Variants in TENM3 observed in about 807,000 individuals in gnomAD.
TENM3 encodes teneurin-3.
In TENM3, 63 loss-of-function variants were observed where a neutral mutation model predicts 255.1. The ratio of observed to expected loss-of-function variants is 0.25; its 90% CI spans 0.20 to 0.30. The LOEUF is 0.30. TENM3 is among the 10% of genes least tolerant of loss of function. The pLI, the probability that TENM3 is intolerant of heterozygous loss-of-function variation, is 1.00. For missense variants in TENM3, 2,929 were observed against 3,461.1 expected (o/e 0.85, Z 3.86); for synonymous variants, 1,306 against 1,322.3 (o/e 0.99, Z 0.27).
intron 3 of TENM3, among the ~76,000 whole-genome samples, chr4:182,522,305 A>T (rs7655004): frequency 6.6e-6 from 1 of 152,192 alleles, no homozygotes; most frequent in African/African-American, 2.4e-5. Context: ...CTGTATTTTC[A>T]TGTCCATCAA....
At chr4:182,237,217 T>C (rs1372839599) in intron 1 of TENM3, among the ~76,000 whole-genome samples, 1 of 152,204 alleles carries the variant, frequency 6.6e-6, no homozygotes, top group Non-Finnish European at 1.5e-5. Flanking sequence ...TTCCATGGTG[T>C]ATACGTACCA....
chr4:181,532,126 C>A, the TENM3 span, among the ~76,000 whole-genome samples: 3 of 151,992 alleles, frequency 2.0e-5, no homozygotes, highest in Non-Finnish European at 2.9e-5. Context: ...AAAGTGGGGT[C>A]CCACCGGCTG....
intron 7 of TENM3, among the ~76,000 whole-genome samples, chr4:182,678,877 G>A (rs1332238973): frequency 6.6e-6 from 1 of 152,200 alleles, no homozygotes; most frequent in Non-Finnish European, 1.5e-5. Flanking sequence ...GTCAAATACT[G>A]CATGTTCTTG....
the TENM3 span, among the ~76,000 whole-genome samples, chr4:181,652,408 CCTT>C: frequency 6.6e-6 from 1 of 152,188 alleles, no homozygotes; most frequent in Non-Finnish European, 1.5e-5. Flanking sequence ...CTGTGTGTCT[CCTT>C]CTTAATCAAG....
chr4:182,529,354 A>G (rs892850667), intron 3 of TENM3, among the ~76,000 whole-genome samples: 1 of 152,158 alleles, frequency 6.6e-6, no homozygotes, highest in East Asian at 1.9e-4. Flanking sequence ...GTGGACTTTC[A>G]AGTATAAAAA....
chr4:182,701,210 C>CTTTTTTTTTTTTTTTTTT lies in TENM3; in HGVS notation c.2222-12866_2222-12849dup, dbSNP rs35538818. Among the ~76,000 whole-genome samples, 260 of 38,668 alleles carry CTTTTTTTTTTTTTTTTTT rather than the reference C, an allele frequency of 6.7e-3. 101 individuals are homozygous for CTTTTTTTTTTTTTTTTTT. Among genetic ancestry groups the CTTTTTTTTTTTTTTTTTT allele is most frequent in the African/African-American group, 8.6e-3 (72 of 8,368 alleles). 25.4% of individuals were successfully genotyped at this position (38,668 alleles called of 152,430 possible). A position where few individuals can be genotyped will look rare whatever the true frequency, so the allele number is the denominator to read the frequency against. ...TTTTCACATACAGTCCAACTCTTGA[C>CTTTTTTTTTTTTTTTTTT]TTTTTTTTTTTTTTTTTTTTTTTTT... On this transcript the variant is annotated intron_variant, in intron 12 of 27. Coordinates refer to ENST00000511685, the MANE Select transcript of TENM3 (RefSeq NM_001080477.4).
chr4:181,458,401 CT>C, the TENM3 span, among the ~76,000 whole-genome samples: 1 of 151,894 alleles, frequency 6.6e-6, no homozygotes, highest in Non-Finnish European at 1.5e-5. Flanking sequence ...ATTATTCTAA[CT>C]TTCTCATTAA....
the TENM3 span, among the ~76,000 whole-genome samples, chr4:181,986,464 A>G: frequency 6.6e-6 from 1 of 151,908 alleles, no homozygotes; most frequent in Non-Finnish European, 1.5e-5. Context: ...TCTGTTCCCA[A>G]TCCCAACCTT....
intron 12 of TENM3, among the ~76,000 whole-genome samples, chr4:182,696,325 A>G (rs1561123378): frequency 1.3e-5 from 2 of 152,258 alleles, no homozygotes; most frequent in Admixed American, 6.5e-5. Context: ...TACTCTCTAT[A>G]GAAAATATTA....
chr4:182,478,420 T>C (rs1416274760), intron 3 of TENM3, among the ~76,000 whole-genome samples: 1 of 151,944 alleles, frequency 6.6e-6, no homozygotes, highest in Admixed American at 6.6e-5. Flanking sequence ...ATAATATTTT[T>C]AGGAAAAAAA....
At chr4:182,292,982 G>T (rs185453044) in intron 1 of TENM3, among the ~76,000 whole-genome samples, 1 of 152,170 alleles carries the variant, frequency 6.6e-6, no homozygotes, top group Admixed American at 6.5e-5. Flanking sequence ...GCATGGTGCC[G>T]TCTGGGAGCT....
chr4:182,366,084 A>T (rs1766412862), intron 3 of TENM3, among the ~76,000 whole-genome samples: 1 of 152,148 alleles, frequency 6.6e-6, no homozygotes, highest in African/African-American at 2.4e-5. Context: ...ATAGATAATT[A>T]TGGACATGGA....
chr4:181,624,580 G>T, the TENM3 span, among the ~76,000 whole-genome samples: 2 of 152,154 alleles, frequency 1.3e-5, no homozygotes, highest in Non-Finnish European at 2.9e-5. Flanking sequence ...TATTATGAAA[G>T]AAGCAAAGAA....
the TENM3 span, among the ~76,000 whole-genome samples, chr4:181,758,082 G>C: frequency 2.0e-5 from 3 of 152,138 alleles, no homozygotes; most frequent in African/African-American, 7.2e-5. Flanking sequence ...ATGACAAACT[G>C]TACCACTGAC....
chr4:181,612,490 ATGTGTGTGTGTG>A, the TENM3 span, among the ~76,000 whole-genome samples: 5 of 148,344 alleles, frequency 3.4e-5, no homozygotes, highest in South Asian at 2.2e-4. Context: ...TTTGGTTAAG[ATGTGTGTGTGTG>A]TGTGTGTGTG....
the TENM3 span, among the ~76,000 whole-genome samples, chr4:181,737,915 C>T: frequency 6.6e-6 from 1 of 150,938 alleles, no homozygotes; most frequent in Non-Finnish European, 1.5e-5. Flanking sequence ...GTAACCAGCA[C>T]AATTGCCAAC....
At chr4:181,481,699 A>G in the TENM3 span, among the ~76,000 whole-genome samples, 3 of 152,188 alleles carry the variant, frequency 2.0e-5, no homozygotes, top group African/African-American at 7.2e-5. Flanking sequence ...CAGTTTGGCC[A>G]GGACCTCAGG....
chr4:182,508,479 A>G (rs1275437045), intron 3 of TENM3, among the ~76,000 whole-genome samples: 3 of 152,200 alleles, frequency 2.0e-5, no homozygotes, highest in East Asian at 1.9e-4. Flanking sequence ...AATTATCACT[A>G]TCATCATTAT....
the TENM3 span, among the ~76,000 whole-genome samples, chr4:181,656,958 T>G: frequency 6.6e-6 from 1 of 152,242 alleles, no homozygotes; most frequent in Admixed American, 6.5e-5. Context: ...GGCCTCTATT[T>G]TCCAGTCAAG....
Sources: allele counts gnomAD v4.1 joint callset (sites outside exome capture counted in the v4.1 genomes callset), GRCh38; gene constraint gnomAD v4.1.1; transcripts MANE v1.5; gene names NCBI Gene and HGNC (gene_info 2026-07-23, HGNC 2026-07-21).